Variants in PRKCE observed in about 807,000 individuals in gnomAD.
The protein encoded by PRKCE is protein kinase C epsilon type.
PRKCE carries 16 observed loss-of-function variants against 85.4 expected under a neutral mutation model. The ratio of observed to expected loss-of-function variants is 0.19; its 90% CI spans 0.13 to 0.28. The LOEUF (loss-of-function observed/expected upper bound fraction) is 0.28. Among genes scored for constraint, PRKCE ranks in the 10% least tolerant of loss-of-function variants. The pLI, the probability that PRKCE is intolerant of heterozygous loss-of-function variation, is 1.00. For synonymous variants in PRKCE, 388 were observed against 371.5 expected (o/e 1.04, Z -0.51); for missense variants, 573 against 975.2 (o/e 0.59, Z 5.49).
rs115519417 is a variant in PRKCE at position 45,750,496 on chromosome 2, G to A, written c.349-92504G>A. 6.0e-3 allele frequency among the ~76,000 whole-genome samples: 906 copies of A among 151,682 alleles called. 16 individuals are homozygous for A. The highest frequency in any genetic ancestry group is 0.021 in the African/African-American group (861 of 41,298). On this transcript the variant is annotated intron_variant, in intron 1 of 14. Transcript: ENST00000306156. ...GCTGTGCCCCTGCATAGGGAACTGA[G>A]TCCCAAGGTGGGTATTGGTTTGGGA...
chr2:45,950,736 C>T (rs529534601), intron 2 of PRKCE, among the ~76,000 whole-genome samples: 1 of 152,204 alleles, frequency 6.6e-6, no homozygotes, highest in South Asian at 2.1e-4. Context: ...TGCAGATCCA[C>T]CCTTGTGTCT....
At chr2:45,910,052 C>A (rs902191268) in intron 2 of PRKCE, among the ~76,000 whole-genome samples, 3 of 151,924 alleles carry the variant, frequency 2.0e-5, no homozygotes, top group Non-Finnish European at 2.9e-5. Context: ...CGCCCCCCCC[C>A]AGCCAAGTGC....
Position 46,114,090 on chromosome 2 carries a change from C to G in PRKCE, c.1592+27728C>G, listed in dbSNP as rs375446835. On this transcript the variant is annotated intron_variant, in intron 11 of 14. Transcript: ENST00000306156. ...ACATTTTTAATGTCTGAACATCTAC[C>G]AGGCTGGGCCTTTGGACCCGAATGA... 5.9e-5 allele frequency among the ~76,000 whole-genome samples: 9 copies of G among 152,258 alleles called. No homozygotes were observed. In the South Asian group the frequency reaches 1.7e-3, roughly 28 times the overall value.
At chr2:45,936,658 C>T (rs1340114926) in intron 2 of PRKCE, among the ~76,000 whole-genome samples, 3 of 152,234 alleles carry the variant, frequency 2.0e-5, no homozygotes, top group Non-Finnish European at 4.4e-5. Context: ...GGACAGCCTG[C>T]AGCCCCTGCA....
At chr2:46,034,280 G>A (rs1707718356) in intron 10 of PRKCE, among the ~76,000 whole-genome samples, 1 of 152,168 alleles carries the variant, frequency 6.6e-6, no homozygotes, top group South Asian at 2.1e-4. Flanking sequence ...CTACCCCATA[G>A]GGTTGTAGGG....
chr2:45,881,078 G>A (rs571951716), intron 2 of PRKCE, among the ~76,000 whole-genome samples: 9 of 150,908 alleles, frequency 6.0e-5, no homozygotes, highest in Admixed American at 2.0e-4. Flanking sequence ...GCGTGAACCC[G>A]GGAGGCGGAG....
intron 2 of PRKCE, among the ~76,000 whole-genome samples, chr2:45,927,472 C>A (rs4952794): frequency 0.25 from 38,720 of 152,144 alleles, 5,934 homozygotes; most frequent in South Asian, 0.36. Context: ...TACCTCCCTC[C>A]AGGTCTCATA....
chr2:45,977,638 TA>T (rs5830884), intron 3 of PRKCE, among the ~76,000 whole-genome samples: 25,603 of 142,138 alleles, frequency 0.18, 3,184 homozygotes, highest in East Asian at 0.55. Flanking sequence ...GACTCTGTCT[TA>T]AAAAAAAAAA....
rs1291394607 is a variant in PRKCE at position 46,139,077 on chromosome 2, A to C, written c.1593-6016A>C. Among the ~76,000 whole-genome samples the C allele has an allele frequency of 6.6e-6, 1 of 152,198 alleles. No individual in the cohort carries two copies. The highest frequency in any genetic ancestry group is 1.5e-5 in the Non-Finnish European group (1 of 68,034). On this transcript the variant is annotated intron_variant, in intron 11 of 14. Coordinates refer to ENST00000306156, the MANE Select transcript of PRKCE (RefSeq NM_005400.3). The surrounding 1 kb of genome is among the most constrained non-coding windows in gnomAD (Gnocchi z 5.2). ...AGGCAACAAGGGCTATCGCAAAGGC[A>C]TTCAGGCTGAGGGGGAAATGCTAGG...
At chr2:45,965,114 G>A (rs1001373156) in intron 2 of PRKCE, among the ~76,000 whole-genome samples, 3 of 152,202 alleles carry the variant, frequency 2.0e-5, no homozygotes, top group African/African-American at 7.2e-5. Context: ...TTCTTATTGT[G>A]TGCCTCTCTG....
chr2:46,107,361 G>A (rs559507169), intron 11 of PRKCE, among the ~76,000 whole-genome samples: 77 of 152,036 alleles, frequency 5.1e-4, no homozygotes, highest in Admixed American at 4.1e-3. Flanking sequence ...ATAATATTCC[G>A]GCCGGGCACG....
At position 45,843,077 on chromosome 2, in the gene PRKCE, AC is replaced by A. The variant is rs1485796577; in HGVS notation, c.412+15del. On this transcript the variant is annotated intron_variant, in intron 2 of 14. Transcript: ENST00000306156. The stretch of plus-strand genomic sequence containing the variant: ...CGTCGGGTGAAGGTAGGAGAGCGTG[AC>A]TTCTCATCCCTGTTTTCTTCCATTG... 3.7e-6 allele frequency: 6 copies of A among 1,611,900 alleles called. No homozygotes were observed. The East Asian group carries it at 1.3e-4, about 36-fold the overall frequency.
chr2:45,964,568 A>G (rs1427373714), intron 2 of PRKCE, among the ~76,000 whole-genome samples: 1 of 152,240 alleles, frequency 6.6e-6, no homozygotes, highest in Non-Finnish European at 1.5e-5. Flanking sequence ...AGCATGCAGT[A>G]AAGTTCCACC....
chr2:46,043,857 G>T (rs1260934145), intron 10 of PRKCE, among the ~76,000 whole-genome samples: 1 of 152,222 alleles, frequency 6.6e-6, no homozygotes, highest in African/African-American at 2.4e-5. Flanking sequence ...AATAGTGGCT[G>T]ATTGTTTAGG....
At chr2:46,065,136 AAGG>A (rs1667514329) in intron 10 of PRKCE, among the ~76,000 whole-genome samples, 1 of 152,160 alleles carries the variant, frequency 6.6e-6, no homozygotes, top group Non-Finnish European at 1.5e-5. Flanking sequence ...CAAACAGGTA[AAGG>A]AGGAGGAGAC....
chr2:46,056,084 A>T (rs190330269), intron 10 of PRKCE, among the ~76,000 whole-genome samples: 95 of 152,236 alleles, frequency 6.2e-4, no homozygotes, highest in Non-Finnish European at 1.1e-3. Context: ...TTAGGCCATA[A>T]TTTTCTCATC....
At chr2:45,812,450 G>A (rs1054958085) in intron 1 of PRKCE, among the ~76,000 whole-genome samples, 1 of 152,202 alleles carries the variant, frequency 6.6e-6, no homozygotes, top group Non-Finnish European at 1.5e-5. Context: ...GGATCCCATA[G>A]AAGGCAGCAG....
chr2:46,045,225 T>C (rs1402563668), intron 10 of PRKCE, among the ~76,000 whole-genome samples: 1 of 152,220 alleles, frequency 6.6e-6, no homozygotes, highest in Non-Finnish European at 1.5e-5. Context: ...TATGTACACA[T>C]ATATAGTATT....
chr2:46,142,258 C>T (rs1675613781), intron 11 of PRKCE, among the ~76,000 whole-genome samples: 1 of 152,204 alleles, frequency 6.6e-6, no homozygotes, highest in Non-Finnish European at 1.5e-5. Flanking sequence ...CTGCTTGCCA[C>T]TGAGAGCCCA....
Sources: gnomAD v4.1 joint callset for allele counts (sites outside exome capture counted in the v4.1 genomes callset) on GRCh38, gnomAD v4.1.1 for gene constraint, Gnocchi (gnomAD v3.1) non-coding constraint, MANE v1.5 for transcripts, NCBI Gene and HGNC (gene_info 2026-07-23, HGNC 2026-07-21) for gene names.